The following XRCC6 variants were observed in gnomAD, a reference collection of about 807,000 sequenced individuals.
XRCC6 encodes the protein X-ray repair cross complementing 6, also known as DNA repair protein Ku70.
A neutral mutation model predicts 65.7 loss-of-function variants in XRCC6; 5 were observed. The ratio of observed to expected loss-of-function variants is 0.08; its 90% confidence interval spans 0.04 to 0.16. The LOEUF (loss-of-function observed/expected upper bound fraction) is 0.16. XRCC6 is among the 10% of genes least tolerant of loss of function. The probability of loss-of-function intolerance (pLI) is 1.00; values close to 1 mark genes in which losing one functional copy is unlikely to be tolerated. For missense variants in XRCC6, 447 were observed against 738.1 expected (o/e 0.61, Z 4.57); for synonymous variants, 270 against 270.6 (o/e 1.00, Z 0.02).
intron 11 of XRCC6, among the ~76,000 whole-genome samples, chr22:41,660,997 G>C (rs1370044771): frequency 6.6e-6 from 1 of 150,842 alleles, no homozygotes; most frequent in Non-Finnish European, 1.5e-5. Flanking sequence ...TCGCGCCACT[G>C]CACTCCAGCC....
chr22:41,654,059 A>G (rs1168046033), intron 9 of XRCC6, among the ~76,000 whole-genome samples: 1 of 152,182 alleles, frequency 6.6e-6, no homozygotes, highest in Non-Finnish European at 1.5e-5. Flanking sequence ...TATACAAACC[A>G]ACCATGGGGT....
intron 2 of XRCC6, among the ~76,000 whole-genome samples, chr22:41,627,553 G>C (rs1417821040): frequency 7.1e-6 from 1 of 141,768 alleles, no homozygotes; most frequent in Non-Finnish European, 1.5e-5. Flanking sequence ...GGAGGTCGTA[G>C]TAAGCCGAGA....
intron 2 of XRCC6, among the ~76,000 whole-genome samples, chr22:41,622,603 G>C (rs1250090832): frequency 6.6e-6 from 1 of 152,048 alleles, no homozygotes; most frequent in Non-Finnish European, 1.5e-5. Context: ...CTTCATACTG[G>C]TTAATTTAAC....
chr22:41,653,097 G>T (rs1218577153), intron 8 of XRCC6, among the ~76,000 whole-genome samples: 1 of 151,314 alleles, frequency 6.6e-6, no homozygotes, highest in East Asian at 2.0e-4. Context: ...ACCCTTACCT[G>T]TTGAGATATT....
rs56294804 is a variant in XRCC6 at position 41,633,126 on chromosome 22, CA to C, written c.196-2976del. ...TGGGCAATAGAGCCAGACTCTGTCT[CA>C]AAAAAAAAAAGTGTATGTAAAATAA... On this transcript the variant is annotated intron_variant, in intron 3 of 12. Transcript: ENST00000360079. 7.6e-4 allele frequency among the ~76,000 whole-genome samples: 103 copies of C among 136,206 alleles called. No individual in the cohort carries two copies. In the East Asian group the frequency reaches 0.011, roughly 14 times the overall value. 89.4% of individuals were successfully genotyped at this position (136,206 alleles called of 152,430 possible).
intron 8 of XRCC6, among the ~76,000 whole-genome samples, chr22:41,652,220 G>T (rs1475875233): frequency 2.0e-5 from 3 of 146,380 alleles, no homozygotes; most frequent in African/African-American, 7.4e-5. Context: ...CCTTGCCGTT[G>T]TGTTTATTTG....
chr22:41,635,281 G>C (rs1460762094), intron 3 of XRCC6, among the ~76,000 whole-genome samples: 1 of 152,150 alleles, frequency 6.6e-6, no homozygotes, highest in African/African-American at 2.4e-5. Context: ...TTTGCTTTTT[G>C]AAACGGGAAT....
At chr22:41,662,617 G>A (rs1408551035) in intron 12 of XRCC6, among the ~76,000 whole-genome samples, 1 of 152,188 alleles carries the variant, frequency 6.6e-6, no homozygotes, top group East Asian at 1.9e-4. Flanking sequence ...AGGTGGATAT[G>A]CTGCAGTGAA....
chr22:41,642,636 A>G (rs132779), intron 6 of XRCC6, among the ~76,000 whole-genome samples: 126,446 of 152,198 alleles, frequency 0.83, 53,493 homozygotes, highest in African/African-American at 0.95. Context: ...GATAGGGATT[A>G]CATTGAATCT....
chr22:41,653,734 A>G (rs758513580), intron 9 of XRCC6, 44 bp downstream of exon 9: 32 of 1,596,354 alleles, frequency 2.0e-5, no homozygotes, highest in Middle Eastern at 1.7e-4. Flanking sequence ...CCTTGCCCAT[A>G]CTTTGGAATC....
At chr22:41,635,790 C>T (rs978117659) in intron 3 of XRCC6, among the ~76,000 whole-genome samples, 1 of 152,082 alleles carries the variant, frequency 6.6e-6, no homozygotes, top group African/African-American at 2.4e-5. Flanking sequence ...GATTCTCCCA[C>T]CTCAGCCTCC....
intron 2 of XRCC6, 103 bp from the exon 3 acceptor site, chr22:41,628,015 T>C: frequency 1.4e-6 from 1 of 697,588 alleles, no homozygotes; most frequent in South Asian, 2.1e-5. Context: ...CACCTTATAA[T>C]AATTTATTAG....
At chr22:41,626,965 A>T (rs1433323483) in intron 2 of XRCC6, among the ~76,000 whole-genome samples, 1 of 152,092 alleles carries the variant, frequency 6.6e-6, no homozygotes, top group Admixed American at 6.6e-5. Flanking sequence ...CAGTAGACAC[A>T]GGGTTTAACC....
chr22:41,638,836 G>T (rs2067841826), intron 6 of XRCC6, among the ~76,000 whole-genome samples: 1 of 151,568 alleles, frequency 6.6e-6, no homozygotes, highest in South Asian at 2.1e-4. Flanking sequence ...ACCTGCATAG[G>T]GCACTTACCA....
intron 8 of XRCC6, among the ~76,000 whole-genome samples, chr22:41,652,626 A>C (rs1440404025): frequency 6.6e-6 from 1 of 152,114 alleles, no homozygotes; most frequent in Non-Finnish European, 1.5e-5. Context: ...TTGGCCTCCC[A>C]GAGTGCTAGG....
At chr22:41,627,570 C>T (rs1456632557) in intron 2 of XRCC6, among the ~76,000 whole-genome samples, 1 of 138,638 alleles carries the variant, frequency 7.2e-6, no homozygotes, top group Non-Finnish European at 1.5e-5. Flanking sequence ...GAGATTGTGC[C>T]ACTGTACTCC....
At chr22:41,644,296 T>C (rs2067908805) in intron 6 of XRCC6, among the ~76,000 whole-genome samples, 1 of 152,240 alleles carries the variant, frequency 6.6e-6, no homozygotes. Flanking sequence ...GAACATACTT[T>C]ATGGGATTTC....
intron 6 of XRCC6, among the ~76,000 whole-genome samples, chr22:41,643,572 G>C (rs961742969): frequency 2.0e-5 from 3 of 152,142 alleles, no homozygotes; most frequent in African/African-American, 7.2e-5. Flanking sequence ...TGTAATCCCA[G>C]CACTTTGGGA....
chr22:41,647,492 A>G (rs960611110), intron 7 of XRCC6, among the ~76,000 whole-genome samples: 4 of 151,678 alleles, frequency 2.6e-5, no homozygotes, highest in African/African-American at 9.7e-5. Flanking sequence ...GAGGCAGGAG[A>G]ATCACTTGAA....
Sources: allele counts gnomAD v4.1 joint callset (sites outside exome capture counted in the v4.1 genomes callset), GRCh38; gene constraint gnomAD v4.1.1; transcripts MANE v1.5; gene names NCBI Gene and HGNC (gene_info 2026-07-23, HGNC 2026-07-21).